The following NRXN3 variants were observed in gnomAD, a reference collection of about 807,000 sequenced individuals.
NRXN3 encodes the protein neurexin 3.
Under a neutral mutation model 137.6 loss-of-function variants are expected in NRXN3, and 32 were observed. The observed-to-expected ratio is 0.23, with a 90% CI of 0.18 to 0.31. The LOEUF (loss-of-function observed/expected upper bound fraction) is 0.31, where lower values mean the gene tolerates loss of function less well. Among genes scored for constraint, NRXN3 ranks in the 10% least tolerant of loss-of-function variants. The pLI is 1.00. For synonymous variants in NRXN3, 798 were observed against 784.5 expected, an observed-to-expected ratio of 1.02 and a Z score of -0.29; for missense variants, 1,574 against 2,062.5, an observed-to-expected ratio of 0.76 and a Z score of 4.59.
intron 4 of NRXN3, among the ~76,000 whole-genome samples, chr14:78,525,631 C>T (rs2096366849): frequency 6.6e-6 from 1 of 152,194 alleles, no homozygotes; most frequent in Non-Finnish European, 1.5e-5. Flanking sequence ...ATAATCACTT[C>T]ATCCCATTGG....
At position 79,090,973 on chromosome 14, in the gene NRXN3, A is replaced by G. The variant is rs76261844; in HGVS notation, c.3262+102832A>G. On this transcript the variant is annotated intron_variant, in intron 15 of 20. Transcript: ENST00000335750. The stretch of plus-strand genomic sequence containing the variant: ...CCCAGAGCACACAAACCATGTGGCC[A>G]AGAGCAAAAGGGAACTCACAAGGAG... Among the ~76,000 whole-genome samples, 525 of 152,230 alleles carry G rather than the reference A, an allele frequency of 3.4e-3. 2 individuals are homozygous for G. Among genetic ancestry groups the G allele is most frequent in the African/African-American group, 0.011 (474 of 41,548 alleles).
intron 16 of NRXN3, among the ~76,000 whole-genome samples, chr14:79,654,353 T>A (rs905593830): frequency 3.3e-5 from 5 of 151,812 alleles, no homozygotes; most frequent in Non-Finnish European, 7.4e-5. Context: ...TTAAAAAAAA[T>A]TAAACTTAAA....
chr14:78,522,854 AG>A (rs1171727051), intron 4 of NRXN3, among the ~76,000 whole-genome samples: 13 of 152,352 alleles, frequency 8.5e-5, no homozygotes, highest in Middle Eastern at 3.4e-3. Flanking sequence ...TTAATTAGCG[AG>A]AGAAGAGCTT....
chr14:79,222,789 A>C (rs2070035999), intron 15 of NRXN3, among the ~76,000 whole-genome samples: 1 of 151,734 alleles, frequency 6.6e-6, no homozygotes, highest in African/African-American at 2.4e-5. Context: ...GATACAGAGA[A>C]TCTTCATATA....
intron 1 of NRXN3, among the ~76,000 whole-genome samples, chr14:78,207,881 C>T (rs769652524): frequency 6.6e-6 from 1 of 152,088 alleles, no homozygotes; most frequent in Non-Finnish European, 1.5e-5. Flanking sequence ...TTTTTCCTGA[C>T]GTATGGTGGT....
intron 1 of NRXN3, among the ~76,000 whole-genome samples, chr14:78,177,486 A>C (rs151237827): frequency 1.3e-5 from 2 of 152,152 alleles, no homozygotes; most frequent in Non-Finnish European, 2.9e-5. Flanking sequence ...GCATTTCTGC[A>C]TGACCTTGAG....
At chr14:79,549,348 T>C (rs763978985) in intron 16 of NRXN3, among the ~76,000 whole-genome samples, 2 of 152,152 alleles carry the variant, frequency 1.3e-5, no homozygotes, top group Admixed American at 6.5e-5. Flanking sequence ...TGGCAGTTTC[T>C]AGTTCCCTAG....
At chr14:79,283,632 C>T (rs1213272927) in intron 15 of NRXN3, among the ~76,000 whole-genome samples, 1 of 151,830 alleles carries the variant, frequency 6.6e-6, no homozygotes, top group Non-Finnish European at 1.5e-5. Flanking sequence ...ACCTGGGGTG[C>T]CCCCAAAAAA....
At chr14:79,273,330 G>GTAATAA (rs924307653) in intron 15 of NRXN3, among the ~76,000 whole-genome samples, 1 of 151,012 alleles carries the variant, frequency 6.6e-6, no homozygotes, top group Non-Finnish European at 1.5e-5. Context: ...AATAATGGTA[G>GTAATAA]TAATAATAAT....
chr14:79,450,893 A>C (rs991887621), intron 15 of NRXN3, among the ~76,000 whole-genome samples: 8 of 152,026 alleles, frequency 5.3e-5, no homozygotes, highest in Non-Finnish European at 8.8e-5. Flanking sequence ...AATTAAATTA[A>C]AAATATAAAG....
intron 16 of NRXN3, among the ~76,000 whole-genome samples, chr14:79,523,558 G>T (rs969307079): frequency 6.6e-6 from 1 of 152,196 alleles, no homozygotes; most frequent in Non-Finnish European, 1.5e-5. Context: ...CACTGCTCAG[G>T]ATCTGAGATC....
intron 4 of NRXN3, among the ~76,000 whole-genome samples, chr14:78,402,126 G>A (rs1454033547): frequency 2.0e-5 from 3 of 152,186 alleles, no homozygotes; most frequent in African/African-American, 7.2e-5. Flanking sequence ...TAGGATCTAT[G>A]TGTGTTCTTC....
At chr14:79,832,476 G>T (rs2099326881) in intron 20 of NRXN3, among the ~76,000 whole-genome samples, 1 of 152,102 alleles carries the variant, frequency 6.6e-6, no homozygotes, top group South Asian at 2.1e-4. Context: ...TTTAAACGGT[G>T]GTTCTAAACT....
intron 17 of NRXN3, among the ~76,000 whole-genome samples, chr14:79,670,534 T>C (rs2153997516): frequency 6.6e-6 from 1 of 152,190 alleles, no homozygotes; most frequent in South Asian, 2.1e-4. Flanking sequence ...CAGATTGACA[T>C]TACTATAGGA....
chr14:78,707,920 T>C (rs2098370423), intron 6 of NRXN3, among the ~76,000 whole-genome samples: 1 of 152,224 alleles, frequency 6.6e-6, no homozygotes, highest in African/African-American at 2.4e-5. Context: ...TTCATATATA[T>C]ATATCACATT....
chr14:79,238,481 G>A (rs2073795282), intron 15 of NRXN3, among the ~76,000 whole-genome samples: 2 of 151,902 alleles, frequency 1.3e-5, no homozygotes, highest in South Asian at 2.1e-4. Context: ...ACAGTTGTTC[G>A]GTCTAATAGT....
chr14:78,971,319 C>T, intron 14 of NRXN3, among the ~76,000 whole-genome samples: 1 of 151,912 alleles, frequency 6.6e-6, no homozygotes, highest in East Asian at 1.9e-4. Context: ...ATTTCTTTTA[C>T]ATAGAACAGT....
chr14:78,714,793 C>T lies in NRXN3; in HGVS notation c.1698C>T (p.Thr566=), dbSNP rs774062077. The T allele has an allele frequency of 4.3e-6, 7 of 1,613,974 alleles. No individual in the cohort carries two copies. The highest frequency in any genetic ancestry group is 2.7e-5 in the African/African-American group (2 of 74,902). Residue 566 remains threonine, a synonymous_variant, in exon 8 of 21, where the codon ACC becomes ACT. Coordinates refer to ENST00000335750, the MANE Select transcript of NRXN3 (RefSeq NM_001330195.2). ...TGAACAGCAGGCGCACGCCATTCAC[C>T]GCCAGTGGGGAGAGCGAGATCCTGG... ...ISVNSRRTPF[T]ASGESEILDL...
chr14:79,536,455 TA>T (rs1327867791), intron 16 of NRXN3, among the ~76,000 whole-genome samples: 4 of 151,842 alleles, frequency 2.6e-5, no homozygotes, highest in Admixed American at 6.6e-5. Flanking sequence ...TTTTATTAAT[TA>T]TTTTTTTTTT....
Sources: allele counts gnomAD v4.1 joint callset (sites outside exome capture counted in the v4.1 genomes callset), GRCh38; gene constraint gnomAD v4.1.1; transcripts MANE v1.5; gene names NCBI Gene and HGNC (gene_info 2026-07-23, HGNC 2026-07-21).